Variants in STK32B observed in about 807,000 individuals in gnomAD.
STK32B encodes serine/threonine kinase 32B.
STK32B carries 43 observed loss-of-function variants against 52.6 expected under a neutral mutation model. The observed-to-expected ratio is 0.82, with a 90% CI of 0.64 to 1.05. STK32B has a LOEUF of 1.05. STK32B is among the 50% of genes least tolerant of loss of function. STK32B has a pLI of 0.00. For missense variants in STK32B, 621 were observed against 534.6 expected (o/e 1.16, Z -1.59); for synonymous variants, 238 against 204.3 (o/e 1.17, Z -1.41).
intron 4 of STK32B, among the ~76,000 whole-genome samples, chr4:5,393,274 C>A (rs913000762): frequency 5.3e-5 from 8 of 152,218 alleles, no homozygotes; most frequent in African/African-American, 1.4e-4. Flanking sequence ...CATAATCGCA[C>A]CTTTCCATGT....
At chr4:5,034,727 G>A in the STK32B span, among the ~76,000 whole-genome samples, 2 of 152,196 alleles carry the variant, frequency 1.3e-5, no homozygotes, top group African/African-American at 4.8e-5. Flanking sequence ...TTCAGCTGAT[G>A]GGAATGTTGG....
intron 7 of STK32B, among the ~76,000 whole-genome samples, chr4:5,454,555 G>T (rs752288893): frequency 6.6e-6 from 1 of 152,112 alleles, no homozygotes; most frequent in African/African-American, 2.4e-5. Flanking sequence ...TCCAAATAAG[G>T]TCACATTCTG....
intron 3 of STK32B, among the ~76,000 whole-genome samples, chr4:5,187,204 G>A (rs1396769045): frequency 6.6e-6 from 1 of 152,166 alleles, no homozygotes; most frequent in South Asian, 2.1e-4. Flanking sequence ...TGTGTGTGGG[G>A]TACTCCGCTT....
intron 2 of STK32B, among the ~76,000 whole-genome samples, chr4:5,148,803 T>G (rs1170342641): frequency 1.3e-5 from 2 of 151,844 alleles, no homozygotes; most frequent in East Asian, 3.8e-4. Context: ...CTAGTTGTTT[T>G]ATTTCTGGAC....
intron 3 of STK32B, among the ~76,000 whole-genome samples, chr4:5,300,895 A>G (rs915062289): frequency 1.2e-4 from 19 of 152,260 alleles, no homozygotes; most frequent in Admixed American, 3.3e-4. Context: ...TGCAATTTCT[A>G]TTAAATTACC....
At chr4:5,374,865 TA>T (rs371383268) in intron 4 of STK32B, among the ~76,000 whole-genome samples, 2 of 152,162 alleles carry the variant, frequency 1.3e-5, no homozygotes, top group East Asian at 3.9e-4. Flanking sequence ...AAGTGCCAGC[TA>T]ACACCACTGC....
chr4:5,127,739 A>G (rs752091290), intron 1 of STK32B, among the ~76,000 whole-genome samples: 1 of 152,170 alleles, frequency 6.6e-6, no homozygotes, highest in Non-Finnish European at 1.5e-5. Context: ...AGGATGGCTG[A>G]TGATATGGTT....
At chr4:5,140,456 A>G (rs746592003) in intron 2 of STK32B, 15 of 321,396 alleles carry the variant, frequency 4.7e-5, no homozygotes, top group Non-Finnish European at 6.4e-5. Flanking sequence ...TTTTTTGGCA[A>G]TAATTGCTTT....
chr4:5,367,856 C>A (rs1232078023), intron 4 of STK32B, among the ~76,000 whole-genome samples: 4 of 152,152 alleles, frequency 2.6e-5, no homozygotes, highest in African/African-American at 9.7e-5. Flanking sequence ...CCAATCTAGT[C>A]CAGTTTAAAA....
the STK32B span, among the ~76,000 whole-genome samples, chr4:5,028,754 G>A: frequency 2.7e-5 from 4 of 150,618 alleles, no homozygotes; most frequent in African/African-American, 9.7e-5. Context: ...TCCTGACTGT[G>A]GCAGGCAGAA....
At position 5,416,952 on chromosome 4, in the gene STK32B, C is replaced by A; in HGVS notation, c.562+18C>A. 6.2e-7 allele frequency: 1 copy of A among 1,603,448 alleles called. No homozygotes were observed. The highest frequency in any genetic ancestry group is 8.5e-7 in the Non-Finnish European group (1 of 1,174,342). ...CTACATGGGTGAGTGTTCCAGGCCCCTTCTTTTCATGTGATCGGGCTCACT... is the reference window on the plus strand; with the variant it reads ...CTACATGGGTGAGTGTTCCAGGCCCATTCTTTTCATGTGATCGGGCTCACT... On this transcript the variant is annotated intron_variant, in intron 6 of 11. Coordinates refer to ENST00000282908, the MANE Select transcript of STK32B (RefSeq NM_018401.3).
At chr4:5,156,034 A>ATGT (rs1215428777) in intron 2 of STK32B, among the ~76,000 whole-genome samples, 1 of 152,048 alleles carries the variant, frequency 6.6e-6, no homozygotes, top group Non-Finnish European at 1.5e-5. Context: ...ATATACCTAT[A>ATGT]GATCCACCAC....
chr4:5,439,354 T>A (rs2109105427), intron 6 of STK32B, among the ~76,000 whole-genome samples: 1 of 151,924 alleles, frequency 6.6e-6, no homozygotes, highest in East Asian at 1.9e-4. Flanking sequence ...TGATGGCCAG[T>A]GATGATGAGC....
intron 3 of STK32B, among the ~76,000 whole-genome samples, chr4:5,299,894 T>A (rs1209659438): frequency 6.6e-6 from 1 of 152,172 alleles, no homozygotes; most frequent in Non-Finnish European, 1.5e-5. Flanking sequence ...CCACTGAAAC[T>A]ATTCCAAAAA....
chr4:5,485,174 T>C (rs953843547), intron 11 of STK32B, among the ~76,000 whole-genome samples: 13 of 152,082 alleles, frequency 8.5e-5, no homozygotes, highest in African/African-American at 3.1e-4. Context: ...GATAATATCC[T>C]GCAGAGTGTT....
intron 3 of STK32B, among the ~76,000 whole-genome samples, chr4:5,217,192 C>A (rs957517328): frequency 2.0e-4 from 30 of 152,152 alleles, no homozygotes; most frequent in African/African-American, 7.2e-4. Flanking sequence ...GAATTATAGA[C>A]TAAAATGATT....
At chr4:5,101,747 A>G (rs1256838723) in intron 1 of STK32B, among the ~76,000 whole-genome samples, 3 of 152,212 alleles carry the variant, frequency 2.0e-5, no homozygotes, top group Non-Finnish European at 4.4e-5. Flanking sequence ...CAAAACCGCA[A>G]CCAAAATTCC....
intron 3 of STK32B, among the ~76,000 whole-genome samples, chr4:5,322,145 G>A (rs758991119): frequency 2.0e-5 from 3 of 152,006 alleles, no homozygotes; most frequent in African/African-American, 4.8e-5. Flanking sequence ...ACCAGCCTGG[G>A]CAACACAGCA....
chr4:5,458,005 C>G (rs777512480), intron 8 of STK32B, among the ~76,000 whole-genome samples: 5 of 151,944 alleles, frequency 3.3e-5, no homozygotes, highest in Non-Finnish European at 7.4e-5. Context: ...CCTTGACTTT[C>G]TGCAGGAACT....
Sources: gnomAD v4.1 joint callset for allele counts (sites outside exome capture counted in the v4.1 genomes callset) on GRCh38, gnomAD v4.1.1 for gene constraint, MANE v1.5 for transcripts, NCBI Gene and HGNC (gene_info 2026-07-23, HGNC 2026-07-21) for gene names.